Variants in CAMK2D observed in about 807,000 individuals in gnomAD.
The protein encoded by CAMK2D is calcium/calmodulin-dependent protein kinase type II subunit delta.
A neutral mutation model predicts 84.0 loss-of-function variants in CAMK2D; 37 were observed. The ratio of observed to expected loss-of-function variants is 0.44; its 90% CI spans 0.34 to 0.58. The LOEUF is 0.58. Among genes scored for constraint, CAMK2D ranks in the 20% least tolerant of loss-of-function variants. The probability of loss-of-function intolerance (pLI) is 0.02; values close to 1 mark genes in which losing one functional copy is unlikely to be tolerated. For missense variants in CAMK2D, 448 were observed against 652.5 expected (o/e 0.69, Z 3.41); for synonymous variants, 202 against 212.5 (o/e 0.95, Z 0.43).
At chr4:113,743,846 CT>C (rs559506222) in intron 2 of CAMK2D, among the ~76,000 whole-genome samples, 68 of 147,100 alleles carry the variant, frequency 4.6e-4, no homozygotes, top group Non-Finnish European at 3.5e-4. Flanking sequence ...ATCTTCCCTA[CT>C]TTTTTTTTTT....
At chr4:113,530,739 G>T (rs1032497129) in intron 8 of CAMK2D, among the ~76,000 whole-genome samples, 9 of 152,100 alleles carry the variant, frequency 5.9e-5, no homozygotes, top group Non-Finnish European at 1.5e-5. Flanking sequence ...ACCAGACACC[G>T]AATCTCCTGG....
Position 113,597,024 on chromosome 4 carries a change from T to C in CAMK2D, c.275+12128A>G, listed in dbSNP as rs536862218. On this transcript the variant is annotated intron_variant, in intron 4 of 20. Coordinates refer to ENST00000511664, the MANE Select transcript of CAMK2D (RefSeq NM_001321571.2). ...TAGTAGAGACGGGGTTTCACCGTGT[T>C]AGCCAGGATGGTCTCCATCTCCTGA... 2.6e-5 allele frequency among the ~76,000 whole-genome samples: 4 copies of C among 152,230 alleles called. 1 individual carries two copies. The South Asian group carries it at 8.3e-4, about 32-fold the overall frequency.
At chr4:113,721,085 G>A (rs776707034) in intron 2 of CAMK2D, among the ~76,000 whole-genome samples, 2 of 151,996 alleles carry the variant, frequency 1.3e-5, no homozygotes, top group East Asian at 1.9e-4. Context: ...TCACTTTAAC[G>A]CTACTTCTAT....
At chr4:113,622,229 C>T (rs1298718763) in intron 3 of CAMK2D, among the ~76,000 whole-genome samples, 1 of 152,120 alleles carries the variant, frequency 6.6e-6, no homozygotes, top group Non-Finnish European at 1.5e-5. Flanking sequence ...TCAACCCTTC[C>T]TATTAATTTT....
At position 113,601,838 on chromosome 4, in the gene CAMK2D, G is replaced by GC. The variant is rs532194156; in HGVS notation, c.275+7313dup. Among the ~76,000 whole-genome samples the GC allele has an allele frequency of 9.2e-5, 14 of 151,836 alleles. No homozygotes were observed. In the South Asian group the frequency reaches 2.9e-3, roughly 32 times the overall value. On this transcript the variant is annotated intron_variant, in intron 4 of 20. Transcript: ENST00000511664. Reference sequence around the variant, plus strand: ...GCCACCCTAGCAGCTAGGACTACATGCAAGTGCCATCACCACAGACTGATT... The same window carrying GC: ...GCCACCCTAGCAGCTAGGACTACATGCCAAGTGCCATCACCACAGACTGATT...
chr4:113,522,139 T>TA (rs1268318327), intron 8 of CAMK2D, among the ~76,000 whole-genome samples: 2 of 152,208 alleles, frequency 1.3e-5, no homozygotes, highest in Admixed American at 1.3e-4. Flanking sequence ...AAGTTAATGT[T>TA]AAAAAAGTTG....
chr4:113,557,865 C>G (rs1318337513), intron 4 of CAMK2D, among the ~76,000 whole-genome samples: 1 of 152,072 alleles, frequency 6.6e-6, no homozygotes, highest in East Asian at 1.9e-4. Context: ...ACAGCTGATA[C>G]CAGAGTACCT....
chr4:113,711,228 A>G (rs979052876), intron 2 of CAMK2D, among the ~76,000 whole-genome samples: 6 of 151,122 alleles, frequency 4.0e-5, no homozygotes, highest in Non-Finnish European at 8.9e-5. Context: ...CTTATCATAC[A>G]TACTTAAAGT....
intron 3 of CAMK2D, among the ~76,000 whole-genome samples, chr4:113,647,136 T>C (rs2099155263): frequency 6.6e-6 from 1 of 152,200 alleles, no homozygotes; most frequent in Admixed American, 6.5e-5. Flanking sequence ...TATTCTATTA[T>C]ATTTAAATAG....
intron 16 of CAMK2D, among the ~76,000 whole-genome samples, chr4:113,472,940 G>A (rs2097564003): frequency 6.6e-6 from 1 of 152,148 alleles, no homozygotes; most frequent in Non-Finnish European, 1.5e-5. Context: ...TGAAGGACAA[G>A]GAGGTTAAGT....
chr4:113,714,873 G>T lies in CAMK2D; in HGVS notation c.160+44447C>A, dbSNP rs1209880034. ...CAGTACCAGCTGGAGACCACAGGGGGTTAGAGAAAAATTTTACCTTCCCTA... is the reference window on the plus strand; with the variant it reads ...CAGTACCAGCTGGAGACCACAGGGGTTTAGAGAAAAATTTTACCTTCCCTA... On this transcript the variant is annotated intron_variant, in intron 2 of 20. Coordinates refer to ENST00000511664, the MANE Select transcript of CAMK2D (RefSeq NM_001321571.2). Among the ~76,000 whole-genome samples, 3 of 152,028 alleles carry T rather than the reference G, an allele frequency of 2.0e-5. No individual in the cohort carries two copies. In the East Asian group the frequency reaches 5.8e-4, roughly 29 times the overall value.
chr4:113,653,818 T>G (rs945944323), intron 3 of CAMK2D, among the ~76,000 whole-genome samples: 1 of 151,962 alleles, frequency 6.6e-6, no homozygotes, highest in Non-Finnish European at 1.5e-5. Flanking sequence ...CTGTACAATG[T>G]GATTGTATGG....
At chr4:113,612,481 G>A (rs2099004491) in intron 3 of CAMK2D, among the ~76,000 whole-genome samples, 2 of 152,272 alleles carry the variant, frequency 1.3e-5, no homozygotes, top group South Asian at 4.1e-4. Flanking sequence ...CGGCATGGCT[G>A]GCCTTGACAG....
chr4:113,591,640 G>C lies in CAMK2D; in HGVS notation c.275+17512C>G, dbSNP rs531071457. 2.0e-5 allele frequency among the ~76,000 whole-genome samples: 3 copies of C among 152,278 alleles called. No homozygotes were observed. In the South Asian group the frequency reaches 6.2e-4, roughly 32 times the overall value. Reference sequence around the variant, plus strand: ...GGATGGTAAAACTGGAAGTTGCTTTGGAAATTGCTCCCAGCTGGTTTCTTC... The same window carrying C: ...GGATGGTAAAACTGGAAGTTGCTTTCGAAATTGCTCCCAGCTGGTTTCTTC... On this transcript the variant is annotated intron_variant, in intron 4 of 20. Transcript: ENST00000511664.
chr4:113,537,551 T>C (rs2098502071), intron 6 of CAMK2D, 108 bp from the exon 7 acceptor site: 1 of 659,006 alleles, frequency 1.5e-6, no homozygotes, highest in Middle Eastern at 4.1e-4. Context: ...TCATGCACTG[T>C]CATCTTTCCT....
At chr4:113,736,024 A>G (rs2099580379) in intron 2 of CAMK2D, among the ~76,000 whole-genome samples, 1 of 152,066 alleles carries the variant, frequency 6.6e-6, no homozygotes, top group Non-Finnish European at 1.5e-5. Context: ...AACGAAATAT[A>G]GACGGGAAAT....
intron 2 of CAMK2D, among the ~76,000 whole-genome samples, chr4:113,717,067 G>T (rs181270193): frequency 6.6e-6 from 1 of 152,068 alleles, no homozygotes; most frequent in Non-Finnish European, 1.5e-5. Context: ...TTTTAAAAGC[G>T]ATCAGGTTCA....
chr4:113,702,023 G>A (rs889318721), intron 2 of CAMK2D, among the ~76,000 whole-genome samples: 1 of 152,118 alleles, frequency 6.6e-6, no homozygotes, highest in Non-Finnish European at 1.5e-5. Flanking sequence ...CTTTGAAGGG[G>A]GATCTGGGGA....
intron 4 of CAMK2D, among the ~76,000 whole-genome samples, chr4:113,583,478 G>A (rs1050271667): frequency 3.3e-5 from 5 of 152,150 alleles, no homozygotes; most frequent in African/African-American, 1.2e-4. Flanking sequence ...AGCCTTATGA[G>A]TTGCAACTTG....
Sources: gnomAD v4.1 joint callset for allele counts (sites outside exome capture counted in the v4.1 genomes callset) on GRCh38, gnomAD v4.1.1 for gene constraint, MANE v1.5 for transcripts, NCBI Gene and HGNC (gene_info 2026-07-23, HGNC 2026-07-21) for gene names.